The following NALF1 variants were observed in gnomAD, a reference collection of about 807,000 sequenced individuals.
NALF1 encodes the protein family with sequence similarity 155 member A.
Under a neutral mutation model 48.4 loss-of-function variants are expected in NALF1, and 3 were observed. The observed-to-expected ratio is 0.06, with a 90% CI of 0.03 to 0.16. The LOEUF is 0.16. Ranked by LOEUF, NALF1 falls within the 10% of genes least tolerant of loss-of-function variation. The pLI, the probability that NALF1 is intolerant of heterozygous loss-of-function variation, is 1.00. For missense variants in NALF1, 526 were observed against 571.5 expected, an observed-to-expected ratio of 0.92 and a Z score of 0.81; for synonymous variants, 262 against 245.7, an observed-to-expected ratio of 1.07 and a Z score of -0.62.
chr13:107,633,734 TATATATGAAACACATATATATGGAAA>T (rs1233332682), intron 1 of NALF1, among the ~76,000 whole-genome samples: 3 of 147,762 alleles, frequency 2.0e-5, no homozygotes, highest in Admixed American at 6.8e-5. Context: ...TATATATATA[TATATATGAAACACATATATATGGAAA>T]ATATATATAT....
chr13:107,194,536 C>A (rs9587310), intron 2 of NALF1, among the ~76,000 whole-genome samples: 5,438 of 152,212 alleles, frequency 0.036, 145 homozygotes, highest in African/African-American at 0.069. Context: ...AAGAATAAAA[C>A]TGGAGCCCCA....
rs538359401 is a variant in NALF1 at position 107,251,386 on chromosome 13, A to AATTTCC, written c.916-40637_916-40632dup. On this transcript the variant is annotated intron_variant, in intron 1 of 2. Transcript: ENST00000375915. ...ACTTAGCAGAATTTTACAAGATGAA[A>AATTTCC]ATTTCCATTTTTGTCTCAGTTTTAA... 1.4e-3 allele frequency among the ~76,000 whole-genome samples: 216 copies of AATTTCC among 152,292 alleles called. 1 individual carries two copies. Among genetic ancestry groups the AATTTCC allele is most frequent in the African/African-American group, 4.8e-3 (200 of 41,564 alleles).
At chr13:107,204,157 G>A (rs1413463021) in intron 2 of NALF1, among the ~76,000 whole-genome samples, 1 of 151,900 alleles carries the variant, frequency 6.6e-6, no homozygotes, top group Non-Finnish European at 1.5e-5. Flanking sequence ...CAGGTGAGCT[G>A]GAGGCAGAGA....
intron 1 of NALF1, among the ~76,000 whole-genome samples, chr13:107,512,456 C>T (rs1875924593): frequency 6.6e-6 from 1 of 152,176 alleles, no homozygotes; most frequent in South Asian, 2.1e-4. Context: ...TAAAGTCACA[C>T]TGAGGCAGGA....
chr13:107,364,735 A>G (rs1165762269), intron 1 of NALF1, among the ~76,000 whole-genome samples: 1 of 152,152 alleles, frequency 6.6e-6, no homozygotes, highest in Non-Finnish European at 1.5e-5. Flanking sequence ...TCTTCACTGT[A>G]ATACAGAAAG....
intron 1 of NALF1, among the ~76,000 whole-genome samples, chr13:107,722,528 G>A (rs932656229): frequency 6.6e-6 from 1 of 152,156 alleles, no homozygotes; most frequent in African/African-American, 2.4e-5. Context: ...CACCCTGACT[G>A]GGAATGGCAC....
chr13:107,626,274 A>G (rs1387598865), intron 1 of NALF1, among the ~76,000 whole-genome samples: 1 of 151,988 alleles, frequency 6.6e-6, no homozygotes, highest in African/African-American at 2.4e-5. Flanking sequence ...AAGATCTACA[A>G]TGAGATACTG....
intron 1 of NALF1, among the ~76,000 whole-genome samples, chr13:107,817,476 A>C (rs9514742): frequency 0.16 from 24,317 of 152,198 alleles, 2,429 homozygotes; most frequent in Non-Finnish European, 0.22. Context: ...GAATGTTCTT[A>C]TCTTTAAATC....
At chr13:107,769,133 A>C (rs201288166) in intron 1 of NALF1, among the ~76,000 whole-genome samples, 17 of 144,542 alleles carry the variant, frequency 1.2e-4, no homozygotes, top group African/African-American at 4.0e-4. Flanking sequence ...TCAGTGTGGC[A>C]ATTCCTCAGG....
At chr13:107,174,369 T>A (rs76928332) in intron 2 of NALF1, among the ~76,000 whole-genome samples, 75,749 of 148,298 alleles carry the variant, frequency 0.51, 19,588 homozygotes, top group Middle Eastern at 0.58. Context: ...ATTTATTTTT[T>A]TTTTTGAGAC....
chr13:107,536,852 G>A (rs1876835388), intron 1 of NALF1, among the ~76,000 whole-genome samples: 1 of 152,142 alleles, frequency 6.6e-6, no homozygotes, highest in African/African-American at 2.4e-5. Flanking sequence ...GTGATAGACT[G>A]GATTAAGAAA....
chr13:107,186,305 C>T (rs1328754220), intron 2 of NALF1, among the ~76,000 whole-genome samples: 1 of 152,184 alleles, frequency 6.6e-6, no homozygotes, highest in African/African-American at 2.4e-5. Flanking sequence ...TTCTATCATG[C>T]TCCACTAAAT....
chr13:107,644,911 T>C (rs768262818), intron 1 of NALF1, among the ~76,000 whole-genome samples: 7 of 151,976 alleles, frequency 4.6e-5, no homozygotes, highest in Admixed American at 6.6e-5. Flanking sequence ...TTTTGATCTT[T>C]ATACACACAG....
intron 1 of NALF1, among the ~76,000 whole-genome samples, chr13:107,681,060 G>C (rs1881289394): frequency 1.3e-5 from 2 of 152,046 alleles, no homozygotes; most frequent in South Asian, 2.1e-4. Flanking sequence ...ATGAAGGCTT[G>C]TTTTCAGCAG....
At chr13:107,470,190 TA>T (rs1485732370) in intron 1 of NALF1, among the ~76,000 whole-genome samples, 1 of 152,244 alleles carries the variant, frequency 6.6e-6, no homozygotes, top group Non-Finnish European at 1.5e-5. Flanking sequence ...TAATGGTCCC[TA>T]ACTTTACTTA....
At chr13:107,534,677 C>G (rs959856254) in intron 1 of NALF1, among the ~76,000 whole-genome samples, 2 of 152,148 alleles carry the variant, frequency 1.3e-5, no homozygotes, top group Non-Finnish European at 2.9e-5. Flanking sequence ...TCAGGCATCT[C>G]TCTCAGGGAT....
At chr13:107,707,001 C>A (rs1210772590) in intron 1 of NALF1, among the ~76,000 whole-genome samples, 4 of 134,512 alleles carry the variant, frequency 3.0e-5, no homozygotes, top group African/African-American at 5.7e-5. Flanking sequence ...CGGCTCACTG[C>A]AAGCTCCGCC....
At chr13:107,267,156 T>C (rs1881057633) in intron 1 of NALF1, among the ~76,000 whole-genome samples, 1 of 152,204 alleles carries the variant, frequency 6.6e-6, no homozygotes, top group South Asian at 2.1e-4. Context: ...CATTTTGTTT[T>C]CCCTCAAAAT....
At chr13:107,795,444 C>T (rs1379913218) in intron 1 of NALF1, among the ~76,000 whole-genome samples, 1 of 152,024 alleles carries the variant, frequency 6.6e-6, no homozygotes, top group African/African-American at 2.4e-5. Context: ...ATCAGTCCAT[C>T]CCTCTCTAGT....
Sources: gnomAD v4.1 joint callset for allele counts (sites outside exome capture counted in the v4.1 genomes callset) on GRCh38, gnomAD v4.1.1 for gene constraint, MANE v1.5 for transcripts, NCBI Gene and HGNC (gene_info 2026-07-23, HGNC 2026-07-21) for gene names.